Variants in HAUS5 observed in about 807,000 individuals in gnomAD.
HAUS5 encodes the protein HAUS augmin like complex subunit 5, also known as HAUS augmin-like complex subunit 5.
A neutral mutation model predicts 94.1 loss-of-function variants in HAUS5; 67 were observed. The observed-to-expected ratio is 0.71, with a 90% CI of 0.58 to 0.87. The LOEUF is 0.87. HAUS5 is among the 40% of genes least tolerant of loss of function. The pLI is 0.00. For missense variants in HAUS5, 739 were observed against 825.6 expected (o/e 0.90, Z 1.29); for synonymous variants, 339 against 355.4 (o/e 0.95, Z 0.52).
At chr19:35,614,514 G>A (rs1391958358) in intron 4 of HAUS5, among the ~76,000 whole-genome samples, 1 of 152,176 alleles carries the variant, frequency 6.6e-6, no homozygotes, top group Non-Finnish European at 1.5e-5. Flanking sequence ...AACCTGGGAG[G>A]CAGAGGTTGC....
intron 17 of HAUS5, among the ~76,000 whole-genome samples, chr19:35,621,436 G>A (rs1006038623): frequency 1.3e-5 from 2 of 152,090 alleles, no homozygotes; most frequent in Non-Finnish European, 2.9e-5. Flanking sequence ...TCAACCTCCT[G>A]GGCTCAAGCC....
chr19:35,619,480 CCGCCTGTGCCG>C lies in HAUS5; in HGVS notation c.1237_1247del (p.Arg413GlufsTer18). 1 of 1,609,876 alleles carries C rather than the reference CCGCCTGTGCCG, an allele frequency of 6.2e-7. No individual in the cohort carries two copies. The highest frequency in any genetic ancestry group is 8.5e-7 in the Non-Finnish European group (1 of 1,177,866). On this transcript the variant is annotated frameshift_variant, in exon 14 of 19. Transcript: ENST00000203166. LOFTEE classifies it high-confidence loss of function. The stretch of plus-strand genomic sequence containing the variant: ...TCAAGGGAAACTCGGCCAGCAAGAC[CCGCCTGTGCCG>C]GAGCCCGGGGGAGGTGAGATGGGAG...
intron 18 of HAUS5, 54 bp from the exon 19 acceptor site, chr19:35,622,822 A>T: frequency 6.2e-7 from 1 of 1,607,036 alleles, no homozygotes; most frequent in Non-Finnish European, 8.5e-7. Context: ...ATGGTTTTGC[A>T]GGGAGGGTCT....
chr19:35,620,879 TTGTC>T (rs1967199507), intron 17 of HAUS5, among the ~76,000 whole-genome samples: 1 of 152,160 alleles, frequency 6.6e-6, no homozygotes, highest in South Asian at 2.1e-4. Flanking sequence ...ATTAGCATCA[TTGTC>T]TGTGTACACA....
intron 17 of HAUS5, 39 bp downstream of exon 17, chr19:35,620,366 AT>A (rs757097684): frequency 6.3e-7 from 1 of 1,591,408 alleles, no homozygotes; most frequent in East Asian, 2.3e-5. Context: ...CTCCCCGCCC[AT>A]TCCCACTACC....
In HAUS5 at chr19:35,620,291, A is replaced by T. The variant is rs888607031; in HGVS notation, c.1615A>T (p.Met539Leu). The change falls in exon 17 of 19, where the codon ATG becomes TTG. Residue 539 changes from methionine (M) to leucine (L), a missense_variant. By Grantham distance (15) the Met-to-Leu change is conservative. Transcript: ENST00000203166. Reference protein sequence around the residue: ...RSLWCWDLLHMKTSLPPGLPT... With the variant: ...RSLWCWDLLHLKTSLPPGLPT... ...CCTCTGGTGCTGGGATCTACTCCAC[A>T]TGAAGACCAGCCTGCCGCCAGGCCT... 6.2e-7 allele frequency: 1 copy of T among 1,613,000 alleles called. No homozygotes were observed. The highest frequency in any genetic ancestry group is 8.5e-7 in the Non-Finnish European group (1 of 1,179,784).
intron 4 of HAUS5, 38 bp from the exon 5 acceptor site, chr19:35,615,004 C>A: frequency 6.7e-7 from 1 of 1,482,254 alleles, no homozygotes; most frequent in Non-Finnish European, 9.2e-7. Flanking sequence ...AGGCTGAGCC[C>A]CGATCAGACC....
rs944955800 is a variant in HAUS5 at position 35,618,136 on chromosome 19, G to A, written c.762G>A (p.Arg254=). The stretch of plus-strand genomic sequence containing the variant: ...CCTTGGAGCACCTGGCTGCAGAGCG[G>A]GAGGCAGAGATTCGGTCCCTGTGCA... ...LAALEHLAAE[R]EAEIRSLCSG... Residue 254 remains arginine, a synonymous_variant, in exon 10 of 19, where the codon CGG becomes CGA. Transcript: ENST00000203166. 2 of 1,610,426 alleles carry A rather than the reference G, an allele frequency of 1.2e-6. No homozygotes were observed. Among genetic ancestry groups the A allele is most frequent in the African/African-American group, 1.3e-5 (1 of 74,848 alleles).
chr19:35,620,078 C>A lies in HAUS5; in HGVS notation c.1473C>A (p.Ser491=). The A allele has an allele frequency of 6.2e-7, 1 of 1,613,956 alleles. No homozygotes were observed. ...TGCACCCCGCGTCCCCAAGGGGCTCCAGCTTCATAGCGCTGAGCCACAAGC... is the reference window on the plus strand; with the variant it reads ...TGCACCCCGCGTCCCCAAGGGGCTCAAGCTTCATAGCGCTGAGCCACAAGC... ...HQLHPASPRG[S]SFIALSHKLG... is the part of the protein sequence containing the mutation. The change falls in exon 16 of 19, where the codon TCC becomes TCA. Residue 491 remains serine (S), a synonymous_variant. Coordinates refer to ENST00000203166, the MANE Select transcript of HAUS5 (RefSeq NM_015302.2).
rs776396270 is a variant in HAUS5 at position 35,623,039 on chromosome 19, A to G, written c.*46A>G. 1.4e-5 allele frequency: 17 copies of G among 1,233,748 alleles called. No homozygotes were observed. Among genetic ancestry groups the G allele is most frequent in the Non-Finnish European group, 2.0e-5 (17 of 853,254 alleles). The allele number at this position is 1,233,748 out of a possible 1,614,324, so 76.4% of individuals were successfully genotyped here. A position where few individuals can be genotyped will look rare whatever the true frequency, so the allele number is the denominator to read the frequency against. ...CCGAGAACTTGACACTGTTCACCCC[A>G]ACACCTCACCTCCCCCAGGACATTT... On this transcript the variant is annotated 3_prime_UTR_variant, in exon 19 of 19. Coordinates refer to ENST00000203166, the MANE Select transcript of HAUS5 (RefSeq NM_015302.2).
In HAUS5 at chr19:35,618,904, G is replaced by C; in HGVS notation, c.1034G>C (p.Gly345Ala). The C allele has an allele frequency of 6.2e-7, 1 of 1,608,690 alleles. No homozygotes were observed. Residue 345 changes from glycine (G) to alanine (A), a missense_variant, in exon 13 of 19, where the codon GGG (glycine) becomes GCG (alanine). Physicochemically the swap from Gly to Ala is moderately conservative, Grantham distance 60. Transcript: ENST00000203166. ...CCCTGCAGGCAGGTGCTGATACTGG[G>C]GCTTCGGCGCTGTTGCCTGTGGACG... ...GSSERQVLIL[G>A]LRRCCLWTEL...
At chr19:35,620,389 C>G in intron 17 of HAUS5, 62 bp downstream of exon 17, 2 of 1,503,512 alleles carry the variant, frequency 1.3e-6, no homozygotes, top group South Asian at 1.2e-5. Context: ...GCAGCCTCCA[C>G]GAGTCCTTAC....
At chr19:35,615,002 C>T (rs1345767141) in intron 4 of HAUS5, 40 bp from the exon 5 acceptor site, 1 of 1,468,734 alleles carries the variant, frequency 6.8e-7, no homozygotes, top group Non-Finnish European at 9.3e-7. Context: ...CCAGGCTGAG[C>T]CCCGATCAGA....
chr19:35,617,467 C>T (rs899378583), intron 8 of HAUS5, 98 bp downstream of exon 8: 8 of 773,052 alleles, frequency 1.0e-5, no homozygotes, highest in Admixed American at 4.8e-5. Flanking sequence ...TTCTGGGCTA[C>T]GTTCTGTAGA....
At chr19:35,620,547 G>A (rs1212642768) in intron 17 of HAUS5, among the ~76,000 whole-genome samples, 1 of 152,236 alleles carries the variant, frequency 6.6e-6, no homozygotes, top group African/African-American at 2.4e-5. Context: ...GAGGTTAGTA[G>A]GTTGCCCAAA....
Position 35,623,399 on chromosome 19 carries a change from G to T in HAUS5, c.*406G>T. On this transcript the variant is annotated 3_prime_UTR_variant, in exon 19 of 19. Coordinates refer to ENST00000203166, the MANE Select transcript of HAUS5 (RefSeq NM_015302.2). ...TGTGTGGGAAATCCAGCAGGGGGTG[G>T]GATGTGTGATTTGAATTGAGGGCCA... 1 of 176,702 alleles carries T rather than the reference G, an allele frequency of 5.7e-6. No individual in the cohort carries two copies. Among genetic ancestry groups the T allele is most frequent in the Non-Finnish European group, 1.2e-5 (1 of 82,194 alleles). The allele number at this position is 176,702 out of a possible 1,614,324, so 10.9% of individuals were successfully genotyped here. A position where few individuals can be genotyped will look rare whatever the true frequency, so the allele number is the denominator to read the frequency against.
intron 17 of HAUS5, among the ~76,000 whole-genome samples, chr19:35,621,671 A>C (rs1035824772): frequency 2.6e-5 from 4 of 152,124 alleles, no homozygotes; most frequent in African/African-American, 9.7e-5. Flanking sequence ...GAAACCCAGG[A>C]GTCATCCTGA....
At chr19:35,622,447 C>T (rs1477893490) in intron 17 of HAUS5, among the ~76,000 whole-genome samples, 154 bp from the exon 18 acceptor site, 1 of 151,428 alleles carries the variant, frequency 6.6e-6, no homozygotes, top group African/African-American at 2.4e-5. Flanking sequence ...CAGAAGGGGA[C>T]TTCCAGGCTG....
Position 35,620,331 on chromosome 19 carries a change from G to A in HAUS5, c.1651+4G>A. The stretch of plus-strand genomic sequence containing the variant: ...CCGCCAGGCCTTCCCACCCAGGGTA[G>A]GTCTGCCCTGCCACCCCATCCAGCC... On this transcript the variant is annotated splice_donor_region_variant and intron_variant, in intron 17 of 18. Coordinates refer to ENST00000203166, the MANE Select transcript of HAUS5 (RefSeq NM_015302.2). The A allele has an allele frequency of 3.7e-6, 6 of 1,610,960 alleles. No individual in the cohort carries two copies. Among genetic ancestry groups the A allele is most frequent in the Non-Finnish European group, 5.1e-6 (6 of 1,178,780 alleles).
Sources: allele counts gnomAD v4.1 joint callset (sites outside exome capture counted in the v4.1 genomes callset), GRCh38; gene constraint gnomAD v4.1.1; transcripts MANE v1.5; gene names NCBI Gene and HGNC (gene_info 2026-07-23, HGNC 2026-07-21).